WDR33: variants seen among roughly 807,000 people sequenced by gnomAD.
WDR33 encodes WD repeat domain 33, also known as pre-mRNA 3' end processing protein WDR33.
Under a neutral mutation model 164.9 loss-of-function variants are expected in WDR33, and 47 were observed. That is an observed-to-expected ratio of 0.29 (90% CI 0.23 to 0.36). The LOEUF is 0.36. Ranked by LOEUF, WDR33 falls within the 10% of genes least tolerant of loss-of-function variation. The probability of loss-of-function intolerance (pLI) is 1.00; values close to 1 mark genes in which losing one functional copy is unlikely to be tolerated. For synonymous variants in WDR33, 505 were observed against 589.0 expected, an observed-to-expected ratio of 0.86 and a Z score of 2.06; for missense variants, 1,137 against 1,754.1, an observed-to-expected ratio of 0.65 and a Z score of 6.28.
chr2:127,751,297 G>T (rs1302652113), intron 7 of WDR33, among the ~76,000 whole-genome samples: 1 of 151,716 alleles, frequency 6.6e-6, no homozygotes, highest in Non-Finnish European at 1.5e-5. Flanking sequence ...GCAGGTGGAG[G>T]CTGCGGTAAG....
In WDR33 at chr2:127,703,737, G is replaced by T. The variant is rs1685948211; in HGVS notation, c.*2586C>A. On this transcript the variant is annotated 3_prime_UTR_variant, in exon 22 of 22. Transcript: ENST00000322313. ...GCTCTTTCTAGTCCCCTAAATTTCT[G>T]TTCTAGTTTTAAATTTCTCTAGAAC... The T allele has an allele frequency of 6.0e-6, 1 of 166,986 alleles. No homozygotes were observed. Among genetic ancestry groups the T allele is most frequent in the South Asian group, 2.1e-4 (1 of 4,826 alleles). The allele number at this position is 166,986 out of a possible 1,614,324, so 10.3% of individuals were successfully genotyped here.
At chr2:127,732,189 A>G (rs1686728799) in intron 7 of WDR33, among the ~76,000 whole-genome samples, 1 of 152,090 alleles carries the variant, frequency 6.6e-6, no homozygotes, top group African/African-American at 2.4e-5. Flanking sequence ...TTTTAAAAAT[A>G]TAAGTAAAGC....
intron 7 of WDR33, among the ~76,000 whole-genome samples, chr2:127,731,294 C>CAAAA (rs35161101): frequency 1.1e-3 from 80 of 70,252 alleles, no homozygotes; most frequent in African/African-American, 3.0e-3. Flanking sequence ...GACCCTGCCT[C>CAAAA]AAAAAAAAAA....
intron 7 of WDR33, among the ~76,000 whole-genome samples, chr2:127,733,794 T>C (rs1686768742): frequency 6.6e-6 from 1 of 152,232 alleles, no homozygotes; most frequent in African/African-American, 2.4e-5. Context: ...ATCTTATTTT[T>C]ATTTATCTCA....
rs188324868 is a variant in WDR33, at chr2:127,764,526, T to C, written c.626+302A>G. On this transcript the variant is annotated intron_variant, in intron 6 of 21. Transcript: ENST00000322313. This position sits in a 1 kb window ranked among gnomAD's most constrained non-coding sequence, Gnocchi z 6.2. ...AAATATTCTTGTCTTACACAGTAGA[T>C]AATAAAAAGGAATAACGTATACACA... 4.7e-5 allele frequency: 71 copies of C among 1,524,004 alleles called. 1 individual carries two copies. Among genetic ancestry groups the C allele is most frequent in the Admixed American group, 4.0e-4 (17 of 42,826 alleles). The allele number at this position is 1,524,004 out of a possible 1,614,324, so 94.4% of individuals were successfully genotyped here.
chr2:127,806,477 G>A (rs1273453016), intron 1 of WDR33, among the ~76,000 whole-genome samples: 2 of 152,078 alleles, frequency 1.3e-5, no homozygotes, highest in Admixed American at 1.3e-4. Context: ...CAAGTGCTGG[G>A]ATTACAGGCG....
intron 7 of WDR33, chr2:127,736,679 C>A (rs1018487035): frequency 2.2e-5 from 22 of 985,318 alleles, no homozygotes; most frequent in Non-Finnish European, 2.5e-5. Context: ...AGGCATACAA[C>A]TCATAAAATT....
rs754393530 is a variant in WDR33 at position 127,713,625 on chromosome 2, C to T, written c.3266G>A (p.Arg1089Gln). ...GRRPGDERFP[R>Q]DPEDPRFRGR... ...TCGAAAACGTGGGTCCTCGGGATCC[C>T]GGGGGAAACGTTCATCTCCGGGCCT... The change falls in exon 18 of 22, where the codon CGG becomes CAG. Residue 1089 changes from arginine (R) to glutamine (Q), a missense_variant. Arg to Gln is a conservative substitution (Grantham distance 43, BLOSUM62 1). Coordinates refer to ENST00000322313, the MANE Select transcript of WDR33 (RefSeq NM_018383.5). The surrounding 1 kb of genome is among the most constrained non-coding windows in gnomAD (Gnocchi z 6.2). The T allele has an allele frequency of 8.7e-6, 14 of 1,614,130 alleles. No homozygotes were observed. The highest frequency in any genetic ancestry group is 3.3e-4 in the Middle Eastern group (2 of 6,082).
rs201128986 is a variant in WDR33, at chr2:127,711,773, TATATATA to T, written c.3308+1803_3308+1809del. 9.8e-3 allele frequency among the ~76,000 whole-genome samples: 930 copies of T among 95,162 alleles called. 63 individuals carry two copies. The highest frequency in any genetic ancestry group is 0.013 in the Admixed American group (133 of 10,216). 62.4% of individuals were successfully genotyped at this position (95,162 alleles called of 152,430 possible). A position where few individuals can be genotyped will look rare whatever the true frequency, so the allele number is the denominator to read the frequency against. ...ACAGATATATATATATATATATATA[TATATATA>T]TTTTTTTTTTGAGACAGAGTCTCGC... On this transcript the variant is annotated intron_variant, in intron 18 of 21. Transcript: ENST00000322313.
intron 7 of WDR33, among the ~76,000 whole-genome samples, chr2:127,757,508 T>C (rs1687553119): frequency 6.6e-6 from 1 of 152,106 alleles, no homozygotes; most frequent in South Asian, 2.1e-4. Flanking sequence ...AGTAAGAAAC[T>C]GGATACAGAA....
rs987120772 is a variant in WDR33 at position 127,718,332 on chromosome 2, G to A, written c.2760+933C>T. 5.3e-5 allele frequency among the ~76,000 whole-genome samples: 8 copies of A among 151,952 alleles called. No individual in the cohort carries two copies. Among genetic ancestry groups the A allele is most frequent in the Admixed American group, 5.2e-4 (8 of 15,254 alleles). ...TCAGGGAGTCAACATTAGCTGACTC[G>A]CTCACTTTTGGTCCACACTGGACCA... On this transcript the variant is annotated intron_variant, in intron 16 of 21. Transcript: ENST00000322313. This position sits in a 1 kb window ranked among gnomAD's most constrained non-coding sequence, Gnocchi z 4.4.
chr2:127,744,521 T>C (rs1687113523), intron 7 of WDR33, among the ~76,000 whole-genome samples: 1 of 152,200 alleles, frequency 6.6e-6, no homozygotes, highest in Non-Finnish European at 1.5e-5. Context: ...TTTAAAAGCA[T>C]CTTTTTGTAT....
chr2:127,769,644 C>G (rs1439971211), intron 2 of WDR33, among the ~76,000 whole-genome samples: 1 of 152,182 alleles, frequency 6.6e-6, no homozygotes, highest in African/African-American at 2.4e-5. Flanking sequence ...CTTAATTCCT[C>G]TCAAACTCTC....
At position 127,718,350 on chromosome 2, in the gene WDR33, C is replaced by A. The variant is rs547891308; in HGVS notation, c.2760+915G>T. On this transcript the variant is annotated intron_variant, in intron 16 of 21. Coordinates refer to ENST00000322313, the MANE Select transcript of WDR33 (RefSeq NM_018383.5). This position sits in a 1 kb window ranked among gnomAD's most constrained non-coding sequence, Gnocchi z 4.4. ...CTGACTCGCTCACTTTTGGTCCACACTGGACCAAAAGTGAGTTTTCAGGGA... is the reference window on the plus strand; with the variant it reads ...CTGACTCGCTCACTTTTGGTCCACAATGGACCAAAAGTGAGTTTTCAGGGA... 2.0e-5 allele frequency among the ~76,000 whole-genome samples: 3 copies of A among 152,062 alleles called. No homozygotes were observed. The highest frequency in any genetic ancestry group is 2.9e-5 in the Non-Finnish European group (2 of 68,024).
chr2:127,810,376 G>A (rs1021193851), intron 1 of WDR33, among the ~76,000 whole-genome samples: 7 of 152,116 alleles, frequency 4.6e-5, no homozygotes, highest in African/African-American at 1.7e-4. Context: ...AATCCCAAGG[G>A]TTACAACCAA....
intron 1 of WDR33, among the ~76,000 whole-genome samples, chr2:127,806,310 C>T (rs1689439340): frequency 6.6e-6 from 1 of 150,478 alleles, no homozygotes; most frequent in South Asian, 2.1e-4. Flanking sequence ...TGGGTTCAAG[C>T]GATTCTCATG....
chr2:127,768,811 ATAT>A (rs1687903357), intron 3 of WDR33, 119 bp downstream of exon 3: 1 of 609,288 alleles, frequency 1.6e-6, no homozygotes, highest in African/African-American at 1.9e-5. Flanking sequence ...CCCTTTGGGA[ATAT>A]TTTAATTATA....
intron 1 of WDR33, among the ~76,000 whole-genome samples, chr2:127,802,784 G>C (rs984917405): frequency 6.6e-6 from 1 of 152,010 alleles, no homozygotes; most frequent in African/African-American, 2.4e-5. Flanking sequence ...TTCGAGCCCA[G>C]ACTGGGCAAC....
In WDR33 at chr2:127,719,158, A is replaced by G. The variant is rs1163946487; in HGVS notation, c.2760+107T>C. ...TATCTTAAGCTACTGTCACTACTTG[A>G]TAAGTATTTATATCCAGCTGTGACC... On this transcript the variant is annotated intron_variant, in intron 16 of 21. Coordinates refer to ENST00000322313, the MANE Select transcript of WDR33 (RefSeq NM_018383.5). This position sits in a 1 kb window ranked among gnomAD's most constrained non-coding sequence, Gnocchi z 6.5. 12 of 1,270,698 alleles carry G rather than the reference A, an allele frequency of 9.4e-6. No homozygotes were observed. The highest frequency in any genetic ancestry group is 6.4e-5 in the South Asian group (2 of 31,214). 78.7% of individuals were successfully genotyped at this position (1,270,698 alleles called of 1,614,324 possible).
Sources: allele counts gnomAD v4.1 joint callset (sites outside exome capture counted in the v4.1 genomes callset), GRCh38; gene constraint gnomAD v4.1.1; non-coding constraint Gnocchi (gnomAD v3.1); transcripts MANE v1.5; gene names NCBI Gene and HGNC (gene_info 2026-07-23, HGNC 2026-07-21).